The following CMBL variants were observed in gnomAD, a reference collection of about 807,000 sequenced individuals.
The protein encoded by CMBL is carboxymethylenebutenolidase homolog.
A neutral mutation model predicts 28.7 loss-of-function variants in CMBL; 17 were observed. The observed-to-expected ratio is 0.59, with a 90% CI of 0.41 to 0.89. The LOEUF is 0.89. Among genes scored for constraint, CMBL ranks in the 40% least tolerant of loss-of-function variants. CMBL has a pLI of 0.00. For missense variants in CMBL, 310 were observed against 298.5 expected, an observed-to-expected ratio of 1.04 and a Z score of -0.28; for synonymous variants, 106 against 101.6, an observed-to-expected ratio of 1.04 and a Z score of -0.26.
chr5:10,282,640 G>A (rs966532254), intron 4 of CMBL, among the ~76,000 whole-genome samples: 15 of 151,926 alleles, frequency 9.9e-5, no homozygotes, highest in Admixed American at 2.0e-4. Flanking sequence ...AACATAAGCC[G>A]GGTGTGGTGG....
At position 10,286,436 on chromosome 5, in the gene CMBL, G is replaced by A. The variant is rs759738230; in HGVS notation, c.384C>T (p.Ile128=). ...CAGTTCCACCCCAGCAGAATCCCAC[G>A]ATGCCAATTTTCTGGGCATGACACT... ...KQQCHAQKIG[I]VGFCWGGTAV... Residue 128 remains isoleucine, a synonymous_variant, in exon 4 of 6, where the codon ATC becomes ATT. Transcript: ENST00000296658. 1.8e-5 allele frequency: 29 copies of A among 1,613,864 alleles called. No homozygotes were observed. The South Asian group carries it at 2.4e-4, about 13-fold the overall frequency.
Position 10,278,426 on chromosome 5 carries a change from C to T in CMBL, c.*2027G>A, listed in dbSNP as rs1224622736. 6.6e-6 allele frequency among the ~76,000 whole-genome samples: 1 copy of T among 152,114 alleles called. No homozygotes were observed. The highest frequency in any genetic ancestry group is 1.9e-4 in the East Asian group (1 of 5,168). On this transcript the variant is annotated 3_prime_UTR_variant, in exon 6 of 6. Transcript: ENST00000296658. The stretch of plus-strand genomic sequence containing the variant: ...CACCCACATGGACCATGCCGATATC[C>T]TACCCACACCGACCCCTCTCAGTCA...
In CMBL at chr5:10,288,522, C is replaced by T. The variant is rs1020167405; in HGVS notation, c.223G>A (p.Val75Ile). 4.3e-6 allele frequency: 7 copies of T among 1,611,180 alleles called. No homozygotes were observed. The highest frequency in any genetic ancestry group is 3.3e-5 in the Admixed American group (2 of 60,004). The change falls in exon 3 of 6, where the codon GTT becomes ATT. Residue 75 changes from valine to isoleucine, a missense_variant. Coordinates refer to ENST00000296658, the MANE Select transcript of CMBL (RefSeq NM_138809.4). The part of the protein sequence containing the change: ...MISGNGYTTI[V>I]PDFFVGQEPW... ...TCTTGCCCTACAAAGAAGTCTGGAA[C>T]AATGGTTCTGCAAAATATGGACATG...
At chr5:10,282,025 T>G (rs181247680) in intron 5 of CMBL, among the ~76,000 whole-genome samples, 172 bp downstream of exon 5, 6,556 of 151,960 alleles carry the variant, frequency 0.043, 445 homozygotes, top group African/African-American at 0.15. Flanking sequence ...CCAGGTGCGG[T>G]GGTGGGCGCC....
chr5:10,300,452 A>C (rs1456456753), intron 1 of CMBL, among the ~76,000 whole-genome samples: 4 of 152,174 alleles, frequency 2.6e-5, no homozygotes, highest in African/African-American at 4.8e-5. Context: ...ACATTCATAA[A>C]AAGAATATTA....
rs1746480177 is a variant in CMBL at position 10,280,504 on chromosome 5, G to A, written c.687C>T (p.Tyr229=). The A allele has an allele frequency of 1.2e-6, 2 of 1,613,562 alleles. No homozygotes were observed. Among genetic ancestry groups the A allele is most frequent in the Non-Finnish European group, 1.7e-6 (2 of 1,179,558 alleles). The change falls in exon 6 of 6, where the codon TAC becomes TAT. Residue 229 remains tyrosine (Y), a synonymous_variant. Coordinates refer to ENST00000296658, the MANE Select transcript of CMBL (RefSeq NM_138809.4). The part of the protein sequence containing the change: ...REDCSPADKP[Y]IDEARRNLIE... Reference sequence around the variant, plus strand: ...TTAAATTCCTTCTGGCCTCGTCAATGTAGGGCTTGTCTGCAGGTGAGCAAT... The same window carrying A: ...TTAAATTCCTTCTGGCCTCGTCAATATAGGGCTTGTCTGCAGGTGAGCAAT...
At chr5:10,280,916 G>A (rs1746487782) in intron 5 of CMBL, among the ~76,000 whole-genome samples, 2 of 152,208 alleles carry the variant, frequency 1.3e-5, no homozygotes, top group Non-Finnish European at 2.9e-5. Context: ...CGGGATGACA[G>A]GCACCCGCCA....
intron 1 of CMBL, among the ~76,000 whole-genome samples, chr5:10,296,431 C>T (rs1033617214): frequency 2.6e-5 from 4 of 152,170 alleles, no homozygotes; most frequent in African/African-American, 9.7e-5. Flanking sequence ...CAGGCGAGCA[C>T]CACCATACCT....
chr5:10,282,311 T>C (rs1746508983), intron 4 of CMBL, 23 bp from the exon 5 acceptor site: 1 of 1,373,914 alleles, frequency 7.3e-7, no homozygotes, highest in Non-Finnish European at 1.0e-6. Flanking sequence ...CACAGAGGCA[T>C]GATGTCTGAT....
intron 4 of CMBL, among the ~76,000 whole-genome samples, chr5:10,285,676 C>CTTTT: frequency 3.4e-5 from 2 of 59,246 alleles, no homozygotes. Flanking sequence ...ATCAGTCTTT[C>CTTTT]TTTCTTTCTT....
At chr5:10,293,143 G>A (rs540864898) in intron 1 of CMBL, among the ~76,000 whole-genome samples, 9 of 152,306 alleles carry the variant, frequency 5.9e-5, no homozygotes, top group South Asian at 2.1e-4. Flanking sequence ...TTACAGCCTA[G>A]ACTACATATA....
chr5:10,291,519 G>A (rs1373245732), intron 1 of CMBL, among the ~76,000 whole-genome samples: 1 of 151,878 alleles, frequency 6.6e-6, no homozygotes, highest in African/African-American at 2.4e-5. Context: ...AAATTAGCCG[G>A]GCGTGGTGGT....
chr5:10,297,525 C>T (rs964116066), intron 1 of CMBL, among the ~76,000 whole-genome samples: 1 of 146,658 alleles, frequency 6.8e-6, no homozygotes, highest in Non-Finnish European at 1.5e-5. Context: ...GCTGAGATCG[C>T]ACCATTTCAC....
Position 10,280,245 on chromosome 5 carries a change from T to G in CMBL, c.*208A>C. On this transcript the variant is annotated 3_prime_UTR_variant, in exon 6 of 6. Coordinates refer to ENST00000296658, the MANE Select transcript of CMBL (RefSeq NM_138809.4). The stretch of plus-strand genomic sequence containing the variant: ...TGAGGCACTACACCTGGTCAGACCT[T>G]GTTTTTAAATTATGATTCGATGTAC... 2.2e-6 allele frequency: 1 copy of G among 458,224 alleles called. No individual in the cohort carries two copies. 28.4% of individuals were successfully genotyped at this position (458,224 alleles called of 1,614,324 possible). A position where few individuals can be genotyped will look rare whatever the true frequency, so the allele number is the denominator to read the frequency against.
chr5:10,290,689 A>C lies in CMBL; in HGVS notation c.74T>G (p.Val25Gly). 6.2e-7 allele frequency: 1 copy of C among 1,614,184 alleles called. No homozygotes were observed. The highest frequency in any genetic ancestry group is 8.5e-7 in the Non-Finnish European group (1 of 1,180,042). Reference protein sequence around the residue: ...RLEYGGLGREVQVEHIKAYVT... With the variant: ...RLEYGGLGREGQVEHIKAYVT... ...ATAAGCCTTGATGTGCTCGACTTGA[A>C]CTTCACGGCCTAGCCCTCCATACTC... The change falls in exon 2 of 6, where the codon GTT (valine) becomes GGT (glycine). Residue 25 changes from valine (V) to glycine (G), a missense_variant. Val to Gly is a moderately radical substitution (Grantham distance 109, BLOSUM62 -3). Coordinates refer to ENST00000296658, the MANE Select transcript of CMBL (RefSeq NM_138809.4).
chr5:10,282,021 G>GC (rs200970738), intron 5 of CMBL, among the ~76,000 whole-genome samples, 176 bp downstream of exon 5: 102 of 148,958 alleles, frequency 6.8e-4, no homozygotes, highest in African/African-American at 2.5e-3. Flanking sequence ...TTACCCAGGT[G>GC]CGGTGGTGGG....
At chr5:10,304,517 C>T (rs957147749) in intron 1 of CMBL, among the ~76,000 whole-genome samples, 1 of 152,244 alleles carries the variant, frequency 6.6e-6, no homozygotes, top group Non-Finnish European at 1.5e-5. Context: ...TGGCCAGAGA[C>T]TACACTTCCC....
At chr5:10,301,041 G>A (rs1358431081) in intron 1 of CMBL, among the ~76,000 whole-genome samples, 3 of 151,744 alleles carry the variant, frequency 2.0e-5, no homozygotes, top group Non-Finnish European at 2.9e-5. Flanking sequence ...AAAGTATCAC[G>A]CATGAGAATG....
At chr5:10,298,136 G>T (rs982570284) in intron 1 of CMBL, among the ~76,000 whole-genome samples, 23 of 151,798 alleles carry the variant, frequency 1.5e-4, no homozygotes, top group Non-Finnish European at 2.8e-4. Context: ...AGGGACCTGT[G>T]GGGGGAGGAG....
Sources: allele counts gnomAD v4.1 joint callset (sites outside exome capture counted in the v4.1 genomes callset), GRCh38; gene constraint gnomAD v4.1.1; transcripts MANE v1.5; gene names NCBI Gene and HGNC (gene_info 2026-07-23, HGNC 2026-07-21).